The following PCDH9 variants were observed in gnomAD, a reference collection of about 807,000 sequenced individuals.
PCDH9 encodes the protein protocadherin-9.
PCDH9 carries 24 observed loss-of-function variants against 70.6 expected under a neutral mutation model. The observed-to-expected ratio is 0.34, with a 90% CI of 0.25 to 0.48. PCDH9 has a LOEUF of 0.48. Among genes scored for constraint, PCDH9 ranks in the 20% least tolerant of loss-of-function variants. The probability of loss-of-function intolerance (pLI) is 0.99; values close to 1 mark genes in which losing one functional copy is unlikely to be tolerated. For missense variants in PCDH9, 1,281 were observed against 1,503.6 expected, an observed-to-expected ratio of 0.85 and a Z score of 2.45; for synonymous variants, 562 against 558.5, an observed-to-expected ratio of 1.01 and a Z score of -0.09.
At chr13:66,826,162 A>T (rs1210395377) in intron 3 of PCDH9, among the ~76,000 whole-genome samples, 1 of 152,232 alleles carries the variant, frequency 6.6e-6, no homozygotes, top group Admixed American at 6.5e-5. Flanking sequence ...TAACATATTC[A>T]AAAACTTAAA....
chr13:66,444,056 C>G (rs1032824604), intron 4 of PCDH9, among the ~76,000 whole-genome samples: 1 of 152,090 alleles, frequency 6.6e-6, no homozygotes, highest in African/African-American at 2.4e-5. Flanking sequence ...CTGGCTAGTT[C>G]AAGACTGATC....
chr13:66,409,586 T>C (rs976640984), intron 4 of PCDH9, among the ~76,000 whole-genome samples: 2 of 152,124 alleles, frequency 1.3e-5, no homozygotes, highest in Admixed American at 1.3e-4. Flanking sequence ...TCCCTTAATT[T>C]GTCACCAGCA....
intron 4 of PCDH9, among the ~76,000 whole-genome samples, chr13:66,430,869 A>C (rs1281510423): frequency 7.2e-5 from 11 of 152,086 alleles, no homozygotes; most frequent in Admixed American, 7.2e-4. Context: ...TCTCTTCCAA[A>C]GTTGGAGATA....
At chr13:67,160,006 T>C (rs1055293032) in intron 2 of PCDH9, among the ~76,000 whole-genome samples, 26 of 152,130 alleles carry the variant, frequency 1.7e-4, no homozygotes, top group African/African-American at 5.8e-4. Context: ...TCCTACTTCT[T>C]CCATTGTCAA....
At chr13:66,323,691 T>C (rs916976516) in intron 4 of PCDH9, 31 of 151,994 alleles carry the variant, frequency 2.0e-4, no homozygotes, top group Non-Finnish European at 3.5e-4. Flanking sequence ...GGAACTTTTT[T>C]TTTTTTTAAA....
At chr13:67,059,698 C>A (rs899578351) in intron 2 of PCDH9, among the ~76,000 whole-genome samples, 4 of 151,394 alleles carry the variant, frequency 2.6e-5, no homozygotes, top group Non-Finnish European at 5.9e-5. Context: ...CAGAGTAAAC[C>A]GTCTTGAATG....
At chr13:66,555,352 G>T (rs1414690890) in intron 4 of PCDH9, among the ~76,000 whole-genome samples, 1 of 149,608 alleles carries the variant, frequency 6.7e-6, no homozygotes, top group Non-Finnish European at 1.5e-5. Context: ...ATCTACGTTA[G>T]AAACCTAGAT....
At chr13:66,770,924 C>T (rs1337336111) in intron 3 of PCDH9, among the ~76,000 whole-genome samples, 1 of 152,190 alleles carries the variant, frequency 6.6e-6, no homozygotes, top group African/African-American at 2.4e-5. Context: ...ATTCTGGCTG[C>T]TTCTCATCAC....
intron 2 of PCDH9, among the ~76,000 whole-genome samples, chr13:66,960,405 CT>C (rs1466483657): frequency 6.6e-6 from 1 of 152,128 alleles, no homozygotes; most frequent in Non-Finnish European, 1.5e-5. Flanking sequence ...ATTTCATCTA[CT>C]GTCTTTCATT....
intron 4 of PCDH9, among the ~76,000 whole-genome samples, chr13:66,479,816 A>G (rs1483248516): frequency 6.6e-6 from 1 of 152,170 alleles, no homozygotes; most frequent in African/African-American, 2.4e-5. Flanking sequence ...ACTAATCAGC[A>G]CTCTGTAAAA....
chr13:66,684,946 C>G (rs9599133), intron 3 of PCDH9, among the ~76,000 whole-genome samples: 1 of 151,504 alleles, frequency 6.6e-6, no homozygotes, highest in East Asian at 1.9e-4. Flanking sequence ...ACAATGAAGT[C>G]GAGATGGAGG....
chr13:67,218,213 C>T (rs1341399914), intron 2 of PCDH9: 1 of 152,056 alleles, frequency 6.6e-6, no homozygotes, highest in Admixed American at 6.6e-5. Flanking sequence ...TCATACAGAT[C>T]TATGCAAAAT....
intron 3 of PCDH9, among the ~76,000 whole-genome samples, chr13:66,743,413 G>T (rs939719260): frequency 1.4e-5 from 2 of 146,772 alleles, no homozygotes; most frequent in African/African-American, 5.0e-5. Flanking sequence ...GTTAGTGGGT[G>T]CAGCGCACCA....
rs1450170993 is a variant in PCDH9, at chr13:66,967,735, A to G, written c.3037-64130T>C. On this transcript the variant is annotated intron_variant, in intron 2 of 4. Transcript: ENST00000377865. ...TTGACATCCAAGTTTTAATTTGATC[A>G]TTGTATTTTAACCTGTTAAACTCTA... Among the ~76,000 whole-genome samples, 4 of 152,052 alleles carry G rather than the reference A, an allele frequency of 2.6e-5. No individual in the cohort carries two copies. In the East Asian group the frequency reaches 7.7e-4, roughly 29 times the overall value.
At position 66,903,548 on chromosome 13, in the gene PCDH9, A is replaced by G; in HGVS notation, c.3094T>C (p.Ser1032Pro). 5.7e-6 allele frequency: 9 copies of G among 1,586,022 alleles called. No homozygotes were observed. Among genetic ancestry groups the G allele is most frequent in the Non-Finnish European group, 7.8e-6 (9 of 1,155,684 alleles). ...TTCTCCTGAATGTGGAAACCCGTGG[A>G]GCTGGGACATTTCTGAGGAGTGACA... is the stretch of plus-strand genomic sequence containing the variant. ...IPVTPQKCPS[S>P]TGFHIQENEE... The change falls in exon 3 of 5, where the codon TCC becomes CCC. Residue 1032 changes from serine to proline, a missense_variant. Around this residue, in one of 4 missense-constraint regions of PCDH9, gnomAD observed 264 missense variants for 278.8 expected, o/e 0.95. Coordinates refer to ENST00000377865, the MANE Select transcript of PCDH9 (RefSeq NM_203487.3).
At chr13:66,807,085 T>C (rs902960011) in intron 3 of PCDH9, among the ~76,000 whole-genome samples, 5 of 152,186 alleles carry the variant, frequency 3.3e-5, no homozygotes, top group African/African-American at 1.2e-4. Flanking sequence ...CATAATTGAA[T>C]GCCAGATTTA....
chr13:66,416,957 G>T (rs1178207888), intron 4 of PCDH9, among the ~76,000 whole-genome samples: 1 of 152,152 alleles, frequency 6.6e-6, no homozygotes, highest in African/African-American at 2.4e-5. Flanking sequence ...TATTTTAACT[G>T]TTATAATGTT....
chr13:66,636,316 A>G (rs2077636708), intron 3 of PCDH9, among the ~76,000 whole-genome samples: 1 of 152,128 alleles, frequency 6.6e-6, no homozygotes, highest in African/African-American at 2.4e-5. Context: ...GATATATGGT[A>G]TATGGGTTTT....
chr13:67,088,175 T>C (rs1387135398), intron 2 of PCDH9, among the ~76,000 whole-genome samples: 2 of 151,892 alleles, frequency 1.3e-5, no homozygotes, highest in African/African-American at 2.4e-5. Context: ...TGATGTGACA[T>C]TTACCTCTAG....
Sources: allele counts gnomAD v4.1 joint callset (sites outside exome capture counted in the v4.1 genomes callset), GRCh38; gene constraint gnomAD v4.1.1; regional missense constraint gnomAD v4.1.1; transcripts MANE v1.5; gene names NCBI Gene and HGNC (gene_info 2026-07-23, HGNC 2026-07-21).